The following NXPH2 variants were observed in gnomAD, a reference collection of about 807,000 sequenced individuals.
NXPH2 encodes neurexophilin 2, also known as neurexophilin-2.
A neutral mutation model predicts 19.8 loss-of-function variants in NXPH2; 5 were observed. That is an observed-to-expected ratio of 0.25 (90% confidence interval 0.13 to 0.53). The LOEUF (loss-of-function observed/expected upper bound fraction) is 0.53, where lower values mean the gene tolerates loss of function less well. Ranked by LOEUF, NXPH2 falls within the 20% of genes least tolerant of loss-of-function variation. The pLI is 0.96. For synonymous variants in NXPH2, 154 were observed against 127.4 expected, an observed-to-expected ratio of 1.21 and a Z score of -1.41; for missense variants, 289 against 322.8, an observed-to-expected ratio of 0.90 and a Z score of 0.80.
chr2:138,754,564 C>T (rs10193564), intron 1 of NXPH2, among the ~76,000 whole-genome samples: 54,154 of 151,952 alleles, frequency 0.36, 10,687 homozygotes, highest in East Asian at 0.69. Context: ...ATGAAGGTAC[C>T]ATGGCTTGTT....
chr2:138,713,664 A>T (rs1681143827), intron 1 of NXPH2, among the ~76,000 whole-genome samples: 1 of 151,872 alleles, frequency 6.6e-6, no homozygotes, highest in South Asian at 2.1e-4. Flanking sequence ...TTTGCTCAGG[A>T]TCTCCAGAGA....
chr2:138,758,906 T>C (rs1681957312), intron 1 of NXPH2, among the ~76,000 whole-genome samples: 1 of 152,180 alleles, frequency 6.6e-6, no homozygotes, highest in Non-Finnish European at 1.5e-5. Context: ...GTCATGAAAG[T>C]GTTTCCTCTG....
chr2:138,716,553 A>G (rs1479128360), intron 1 of NXPH2, among the ~76,000 whole-genome samples: 1 of 152,182 alleles, frequency 6.6e-6, no homozygotes, highest in South Asian at 2.1e-4. Flanking sequence ...TGTGAGCAAT[A>G]AACATCTGTT....
At chr2:138,702,770 GAACAAC>G (rs111726381) in intron 1 of NXPH2, among the ~76,000 whole-genome samples, 1 of 152,074 alleles carries the variant, frequency 6.6e-6, no homozygotes, top group South Asian at 2.1e-4. Flanking sequence ...CAGGTGCTAA[GAACAAC>G]AACAACAACA....
intron 1 of NXPH2, among the ~76,000 whole-genome samples, chr2:138,773,278 T>C (rs1682206238): frequency 6.6e-6 from 1 of 152,214 alleles, no homozygotes; most frequent in Non-Finnish European, 1.5e-5. Flanking sequence ...GAAAACACGC[T>C]TTTGAAAACT....
chr2:138,775,933 A>G (rs958079994), intron 1 of NXPH2, among the ~76,000 whole-genome samples: 62 of 152,160 alleles, frequency 4.1e-4, no homozygotes, highest in African/African-American at 1.5e-3. Context: ...ACACAGCCTT[A>G]ACTGTAAGCA....
chr2:138,690,639 T>G (rs1486891453), intron 1 of NXPH2, among the ~76,000 whole-genome samples: 1 of 152,078 alleles, frequency 6.6e-6, no homozygotes, highest in Non-Finnish European at 1.5e-5. Context: ...TAAGACACAT[T>G]AATGTTTGGC....
chr2:138,670,712 A>G lies in NXPH2; in HGVS notation c.*210T>C, dbSNP rs1051963201. On this transcript the variant is annotated 3_prime_UTR_variant, in exon 2 of 2. Transcript: ENST00000272641. The stretch of plus-strand genomic sequence containing the variant: ...AAGTGATGGTTTCATAAACAGTTTA[A>G]CTTTTTAGATAAAGGTACCTACGAT... 125 of 476,274 alleles carry G rather than the reference A, an allele frequency of 2.6e-4. 1 individual carries two copies. Among genetic ancestry groups the G allele is most frequent in the African/African-American group, 2.2e-3 (114 of 50,752 alleles). 29.5% of individuals were successfully genotyped at this position (476,274 alleles called of 1,614,324 possible).
chr2:138,696,242 A>G (rs1401265999), intron 1 of NXPH2, among the ~76,000 whole-genome samples: 1 of 152,150 alleles, frequency 6.6e-6, no homozygotes, highest in Non-Finnish European at 1.5e-5. Context: ...ATTTACCTTA[A>G]GTGAAAAATG....
Position 138,669,731 on chromosome 2 carries a change from A to G in NXPH2, c.*1191T>C, listed in dbSNP as rs180796447. Among the ~76,000 whole-genome samples, 148 of 152,270 alleles carry G rather than the reference A, an allele frequency of 9.7e-4. No homozygotes were observed. The highest frequency in any genetic ancestry group is 4.7e-4 in the Non-Finnish European group (32 of 68,024). ...TCTAATTTAATGATCATTCAGTTCT[A>G]CCATATAGGACTGCTATTCACCCCC... On this transcript the variant is annotated 3_prime_UTR_variant, in exon 2 of 2. Coordinates refer to ENST00000272641, the MANE Select transcript of NXPH2 (RefSeq NM_007226.3).
At chr2:138,673,254 T>C (rs1454370484) in intron 1 of NXPH2, among the ~76,000 whole-genome samples, 1 of 152,148 alleles carries the variant, frequency 6.6e-6, no homozygotes. Context: ...TACTCCTTTC[T>C]CTCTCCTGGT....
chr2:138,731,570 G>C (rs573436887), intron 1 of NXPH2, among the ~76,000 whole-genome samples: 5 of 152,168 alleles, frequency 3.3e-5, no homozygotes, highest in South Asian at 4.2e-4. Context: ...TCCCTTGGTA[G>C]GTAGGGCAGA....
intron 1 of NXPH2, among the ~76,000 whole-genome samples, chr2:138,715,907 T>C (rs2104990715): frequency 6.6e-6 from 1 of 152,264 alleles, no homozygotes; most frequent in South Asian, 2.1e-4. Flanking sequence ...AGCTATATAG[T>C]AGCCTCTCTG....
At chr2:138,747,473 G>T (rs2105009846) in intron 1 of NXPH2, among the ~76,000 whole-genome samples, 1 of 152,228 alleles carries the variant, frequency 6.6e-6, no homozygotes, top group Non-Finnish European at 1.5e-5. Flanking sequence ...GGCCCCGTGT[G>T]GTACACTTGG....
intron 1 of NXPH2, among the ~76,000 whole-genome samples, chr2:138,741,509 C>T (rs1356955970): frequency 2.0e-5 from 3 of 152,104 alleles, no homozygotes; most frequent in South Asian, 2.1e-4. Context: ...ATTGTTTAGT[C>T]CAAAAATCCC....
intron 1 of NXPH2, among the ~76,000 whole-genome samples, chr2:138,719,477 T>C (rs1287833880): frequency 6.6e-6 from 1 of 152,212 alleles, no homozygotes; most frequent in East Asian, 1.9e-4. Flanking sequence ...TAAATATTAC[T>C]TTTAAATAAC....
intron 1 of NXPH2, among the ~76,000 whole-genome samples, chr2:138,679,194 G>A (rs1680532476): frequency 6.6e-6 from 1 of 152,134 alleles, no homozygotes; most frequent in Non-Finnish European, 1.5e-5. Context: ...AGCTTCTGGG[G>A]TTCAACTTCC....
At chr2:138,751,201 T>C (rs1391865504) in intron 1 of NXPH2, among the ~76,000 whole-genome samples, 8 of 152,140 alleles carry the variant, frequency 5.3e-5, no homozygotes, top group African/African-American at 1.9e-4. Flanking sequence ...CAGAAGGTAC[T>C]TGGCAAAAAC....
intron 1 of NXPH2, among the ~76,000 whole-genome samples, chr2:138,716,289 G>A (rs547089614): frequency 6.6e-6 from 1 of 152,268 alleles, no homozygotes; most frequent in Non-Finnish European, 1.5e-5. Flanking sequence ...GATGGTAGTA[G>A]GAGACCGGGC....
Sources: allele counts gnomAD v4.1 joint callset (sites outside exome capture counted in the v4.1 genomes callset), GRCh38; gene constraint gnomAD v4.1.1; transcripts MANE v1.5; gene names NCBI Gene and HGNC (gene_info 2026-07-23, HGNC 2026-07-21).